NTM: variants seen among roughly 807,000 people sequenced by gnomAD.
NTM encodes neurotrimin.
In NTM, 13 loss-of-function variants were observed where a neutral mutation model predicts 42.1. That is an observed-to-expected ratio of 0.31 (90% CI 0.20 to 0.49). NTM has a LOEUF of 0.49. Among genes scored for constraint, NTM ranks in the 20% least tolerant of loss-of-function variants. The pLI is 0.99. For missense variants in NTM, 373 were observed against 452.8 expected (o/e 0.82, Z 1.60); for synonymous variants, 187 against 179.2 (o/e 1.04, Z -0.35).
At chr11:131,396,973 A>G (rs1473202915) in intron 1 of NTM, among the ~76,000 whole-genome samples, 1 of 152,136 alleles carries the variant, frequency 6.6e-6, no homozygotes, top group Non-Finnish European at 1.5e-5. Flanking sequence ...GCCATGATCT[A>G]GTAAATCCTG....
At chr11:131,992,224 T>G (rs1186434057) in intron 2 of NTM, among the ~76,000 whole-genome samples, 1 of 152,226 alleles carries the variant, frequency 6.6e-6, no homozygotes. Flanking sequence ...GAATTGATAG[T>G]AAATCTACTT....
chr11:131,995,461 C>T (rs2067829184), intron 2 of NTM, among the ~76,000 whole-genome samples: 1 of 152,000 alleles, frequency 6.6e-6, no homozygotes, highest in Admixed American at 6.6e-5. Context: ...GTGGTGGTAT[C>T]ATTGAGGCTT....
At chr11:132,059,930 C>T in intron 2 of NTM, among the ~76,000 whole-genome samples, 1 of 152,124 alleles carries the variant, frequency 6.6e-6, no homozygotes, top group East Asian at 1.9e-4. Context: ...CTCTGGAGTC[C>T]CTCCTGCAGC....
chr11:131,836,686 C>T (rs916942439), intron 1 of NTM, among the ~76,000 whole-genome samples: 6 of 152,018 alleles, frequency 3.9e-5, no homozygotes, highest in African/African-American at 1.5e-4. Flanking sequence ...ATAAGGGATG[C>T]TTTGTTTACT....
chr11:131,435,207 T>C (rs1157812389), intron 1 of NTM, among the ~76,000 whole-genome samples: 2 of 152,242 alleles, frequency 1.3e-5, no homozygotes, highest in Non-Finnish European at 2.9e-5. Context: ...GTATTATAGT[T>C]TGAAGTCAGG....
At chr11:132,033,451 G>A (rs2076161866) in intron 2 of NTM, among the ~76,000 whole-genome samples, 2 of 152,182 alleles carry the variant, frequency 1.3e-5, no homozygotes, top group African/African-American at 2.4e-5. Context: ...TTATTTCCAG[G>A]GGAGGAGATA....
chr11:131,764,327 T>C (rs894254564), intron 1 of NTM, among the ~76,000 whole-genome samples: 1 of 152,300 alleles, frequency 6.6e-6, no homozygotes, highest in Non-Finnish European at 1.5e-5. Flanking sequence ...GTCTCTTTTG[T>C]CCTTTTTTAT....
At chr11:131,623,735 C>A (rs2062813591) in intron 1 of NTM, among the ~76,000 whole-genome samples, 1 of 152,244 alleles carries the variant, frequency 6.6e-6, no homozygotes, top group South Asian at 2.1e-4. Context: ...CCCACTCTCC[C>A]TCCCTTGGGA....
intron 1 of NTM, among the ~76,000 whole-genome samples, chr11:131,378,342 G>A (rs1023153505): frequency 2.6e-5 from 4 of 152,258 alleles, no homozygotes; most frequent in Non-Finnish European, 5.9e-5. Flanking sequence ...TCAACATTTG[G>A]CAATACTGCA....
At chr11:132,298,331 T>C (rs1163686870) in intron 4 of NTM, among the ~76,000 whole-genome samples, 2 of 152,216 alleles carry the variant, frequency 1.3e-5, no homozygotes, top group Non-Finnish European at 2.9e-5. Flanking sequence ...TTTTTTTATT[T>C]TTATTTTTTT....
chr11:131,525,488 T>TTAGTC (rs2050347846), intron 1 of NTM, among the ~76,000 whole-genome samples: 1 of 152,150 alleles, frequency 6.6e-6, no homozygotes, highest in Non-Finnish European at 1.5e-5. Context: ...ACACCAGCAT[T>TTAGTC]TAGCACAGTC....
At chr11:131,835,546 T>C (rs917472518) in intron 1 of NTM, among the ~76,000 whole-genome samples, 3 of 152,156 alleles carry the variant, frequency 2.0e-5, no homozygotes, top group African/African-American at 7.2e-5. Context: ...TATATTGCTA[T>C]ATATCCATCA....
At chr11:131,497,113 G>C (rs1045372188) in intron 1 of NTM, among the ~76,000 whole-genome samples, 5 of 152,228 alleles carry the variant, frequency 3.3e-5, no homozygotes, top group Non-Finnish European at 5.9e-5. Context: ...AAACCCCTAT[G>C]AAATGGGGCC....
At chr11:132,046,123 T>C (rs761955629) in intron 2 of NTM, among the ~76,000 whole-genome samples, 2 of 152,214 alleles carry the variant, frequency 1.3e-5, no homozygotes, top group African/African-American at 2.4e-5. Flanking sequence ...AAAATGGGGA[T>C]AATAATAGTG....
At chr11:132,120,949 C>T (rs2064711614) in intron 2 of NTM, among the ~76,000 whole-genome samples, 1 of 152,036 alleles carries the variant, frequency 6.6e-6, no homozygotes, top group African/African-American at 2.4e-5. Flanking sequence ...AGAGAGAGCA[C>T]GTACACTCGT....
At chr11:131,586,825 A>G (rs12363659) in intron 1 of NTM, among the ~76,000 whole-genome samples, 52,395 of 152,024 alleles carry the variant, frequency 0.34, 10,193 homozygotes, top group East Asian at 0.51. Context: ...GCATGAAGAG[A>G]CTGCTTTTTA....
At chr11:132,318,958 G>A (rs181250506) in intron 7 of NTM, among the ~76,000 whole-genome samples, 2 of 152,170 alleles carry the variant, frequency 1.3e-5, no homozygotes, top group Non-Finnish European at 2.9e-5. Context: ...ACTCACTTTA[G>A]TGATGTACAG....
intron 1 of NTM, among the ~76,000 whole-genome samples, chr11:131,371,619 A>G (rs544819942): frequency 3.3e-4 from 51 of 152,292 alleles, no homozygotes; most frequent in Non-Finnish European, 5.9e-4. Flanking sequence ...TGGGGGCTGC[A>G]GTTGAGTGCA....
chr11:131,431,129 T>C (rs1164752520), intron 1 of NTM, among the ~76,000 whole-genome samples: 1 of 152,200 alleles, frequency 6.6e-6, no homozygotes, highest in African/African-American at 2.4e-5. Flanking sequence ...CTGTCTATTT[T>C]TATAGCCACC....
Sources: gnomAD v4.1 joint callset for allele counts (sites outside exome capture counted in the v4.1 genomes callset) on GRCh38, gnomAD v4.1.1 for gene constraint, MANE v1.5 for transcripts, NCBI Gene and HGNC (gene_info 2026-07-23, HGNC 2026-07-21) for gene names.